Variants in ZCCHC7 observed in about 807,000 individuals in gnomAD.
ZCCHC7 encodes zinc finger CCHC domain-containing protein 7.
In ZCCHC7, 35 loss-of-function variants were observed where a neutral mutation model predicts 52.0. The observed-to-expected ratio is 0.67, with a 90% CI of 0.51 to 0.89. The LOEUF (loss-of-function observed/expected upper bound fraction) is 0.89. Among genes scored for constraint, ZCCHC7 ranks in the 40% least tolerant of loss-of-function variants. ZCCHC7 has a pLI of 0.00. For synonymous variants in ZCCHC7, 217 were observed against 221.5 expected (o/e 0.98, Z 0.18); for missense variants, 574 against 649.1 (o/e 0.88, Z 1.26).
chr9:37,186,523 G>C (rs1322854697), intron 2 of ZCCHC7, among the ~76,000 whole-genome samples: 3 of 152,088 alleles, frequency 2.0e-5, no homozygotes, highest in Non-Finnish European at 2.9e-5. Flanking sequence ...TACTGTAATA[G>C]GATTTATGAC....
At chr9:37,189,576 C>T (rs1052846170) in intron 2 of ZCCHC7, among the ~76,000 whole-genome samples, 1 of 152,090 alleles carries the variant, frequency 6.6e-6, no homozygotes, top group Non-Finnish European at 1.5e-5. Flanking sequence ...TTAGTAGAGA[C>T]GCGGTTTCAC....
intron 2 of ZCCHC7, among the ~76,000 whole-genome samples, chr9:37,197,213 G>A (rs1391341387): frequency 2.6e-5 from 4 of 151,798 alleles, no homozygotes; most frequent in Non-Finnish European, 5.9e-5. Flanking sequence ...ATACTTTGAA[G>A]GCAGCTGCTA....
chr9:37,337,712 A>T (rs1830744170), intron 6 of ZCCHC7, among the ~76,000 whole-genome samples: 1 of 152,202 alleles, frequency 6.6e-6, no homozygotes, highest in Admixed American at 6.6e-5. Flanking sequence ...ATAAAGACTC[A>T]GATATGTTTA....
At position 37,164,496 on chromosome 9, in the gene ZCCHC7, GATA is replaced by G. The variant is rs1821305097; in HGVS notation, c.610+37555_610+37557del. Reference sequence around the variant, plus strand: ...AGATAGATAGATAGATAGATAGATAGATAGACAGACAAGATAGATAGACTCTGT... The same window carrying G: ...AGATAGATAGATAGATAGATAGATAGGACAGACAAGATAGATAGACTCTGT... On this transcript the variant is annotated intron_variant, in intron 2 of 8. Transcript: ENST00000336755. Among the ~76,000 whole-genome samples, 3 of 145,042 alleles carry G rather than the reference GATA, an allele frequency of 2.1e-5. No homozygotes were observed. In the South Asian group the frequency reaches 6.7e-4, roughly 33 times the overall value.
At chr9:37,234,594 AT>A (rs1825556552) in intron 2 of ZCCHC7, among the ~76,000 whole-genome samples, 1 of 152,192 alleles carries the variant, frequency 6.6e-6, no homozygotes, top group South Asian at 2.1e-4. Flanking sequence ...CTATGGATAG[AT>A]TTTCTGATAA....
intron 2 of ZCCHC7, among the ~76,000 whole-genome samples, chr9:37,135,459 A>G (rs904700725): frequency 6.6e-6 from 1 of 152,180 alleles, no homozygotes; most frequent in Admixed American, 6.5e-5. Context: ...AAAAGGAACA[A>G]TATGGTATTT....
At chr9:37,333,901 G>T (rs766909676) in intron 6 of ZCCHC7, 9 of 151,704 alleles carry the variant, frequency 5.9e-5, no homozygotes, top group Admixed American at 1.3e-4. Context: ...TTCTTGCTCA[G>T]GGACAAAACT....
intron 2 of ZCCHC7, among the ~76,000 whole-genome samples, chr9:37,127,678 A>G (rs1169902507): frequency 1.3e-5 from 2 of 152,010 alleles, no homozygotes; most frequent in African/African-American, 2.4e-5. Context: ...TTTTATATCT[A>G]CCCTGTACAC....
chr9:37,327,720 T>G, intron 5 of ZCCHC7, 79 bp from the exon 6 acceptor site: 2 of 1,508,268 alleles, frequency 1.3e-6, no homozygotes, highest in Non-Finnish European at 1.8e-6. Flanking sequence ...CACCGGTGGA[T>G]GCTGGGTTAT....
intron 2 of ZCCHC7, among the ~76,000 whole-genome samples, chr9:37,264,629 G>T (rs1295882138): frequency 1.3e-5 from 2 of 152,108 alleles, no homozygotes; most frequent in Admixed American, 6.6e-5. Flanking sequence ...AGAAAAGTAG[G>T]CATTTAATAT....
chr9:37,297,807 C>T (rs1259206610), intron 2 of ZCCHC7, among the ~76,000 whole-genome samples: 1 of 152,148 alleles, frequency 6.6e-6, no homozygotes, highest in Non-Finnish European at 1.5e-5. Flanking sequence ...TCATGATAAC[C>T]AGCTCTGTAA....
rs542252589 is a variant in ZCCHC7 at position 37,290,901 on chromosome 9, A to G, written c.611-11287A>G. 6.6e-5 allele frequency among the ~76,000 whole-genome samples: 10 copies of G among 152,298 alleles called. No homozygotes were observed. The East Asian group carries it at 1.7e-3, about 26-fold the overall frequency. ...TTACTTATTCATTATTTCCAGTTGT[A>G]CTGAAAAAGACTAAATTATTAATTT... On this transcript the variant is annotated intron_variant, in intron 2 of 8. Coordinates refer to ENST00000336755, the MANE Select transcript of ZCCHC7 (RefSeq NM_032226.3).
At chr9:37,227,642 C>T (rs560496047) in intron 2 of ZCCHC7, among the ~76,000 whole-genome samples, 1 of 152,288 alleles carries the variant, frequency 6.6e-6, no homozygotes, top group African/African-American at 2.4e-5. Context: ...CCTGTATATT[C>T]CTACTAGCTG....
At chr9:37,160,899 A>T (rs904175177) in intron 2 of ZCCHC7, among the ~76,000 whole-genome samples, 3 of 152,070 alleles carry the variant, frequency 2.0e-5, no homozygotes, top group African/African-American at 7.2e-5. Flanking sequence ...AAAAAACCAA[A>T]AAACTGTATG....
intron 5 of ZCCHC7, among the ~76,000 whole-genome samples, chr9:37,318,477 T>C (rs909329773): frequency 2.0e-5 from 3 of 151,264 alleles, no homozygotes; most frequent in African/African-American, 7.3e-5. Flanking sequence ...ATATATATAT[T>C]TTATATATAT....
At chr9:37,121,963 C>T (rs1047394014) in intron 1 of ZCCHC7, among the ~76,000 whole-genome samples, 1 of 152,220 alleles carries the variant, frequency 6.6e-6, no homozygotes, top group Non-Finnish European at 1.5e-5. Context: ...TGTGTTTCAA[C>T]TGTCCTGTCA....
At chr9:37,256,295 A>G (rs1826583909) in intron 2 of ZCCHC7, among the ~76,000 whole-genome samples, 1 of 152,148 alleles carries the variant, frequency 6.6e-6, no homozygotes, top group Non-Finnish European at 1.5e-5. Flanking sequence ...GGTAGTTCTC[A>G]TCGTGTGGTC....
intron 2 of ZCCHC7, among the ~76,000 whole-genome samples, chr9:37,197,148 GA>G (rs1823331212): frequency 6.6e-6 from 1 of 152,114 alleles, no homozygotes; most frequent in Non-Finnish European, 1.5e-5. Flanking sequence ...CAAGGTAGAG[GA>G]ACTTGTTAAA....
At chr9:37,271,558 C>T (rs1353572748) in intron 2 of ZCCHC7, among the ~76,000 whole-genome samples, 1 of 151,952 alleles carries the variant, frequency 6.6e-6, no homozygotes, top group East Asian at 1.9e-4. Context: ...TTAAAAGAGT[C>T]CTTATTTATC....
Sources: allele counts gnomAD v4.1 joint callset (sites outside exome capture counted in the v4.1 genomes callset), GRCh38; gene constraint gnomAD v4.1.1; transcripts MANE v1.5; gene names NCBI Gene and HGNC (gene_info 2026-07-23, HGNC 2026-07-21).